MTREX: variants seen among roughly 807,000 people sequenced by gnomAD.
MTREX encodes exosome RNA helicase MTR4.
MTREX carries 76 observed loss-of-function variants against 135.4 expected under a neutral mutation model. That is an observed-to-expected ratio of 0.56 (90% CI 0.47 to 0.68). MTREX has a LOEUF of 0.68. Among genes scored for constraint, MTREX ranks in the 30% least tolerant of loss-of-function variants. The pLI, the probability that MTREX is intolerant of heterozygous loss-of-function variation, is 0.00. For missense variants in MTREX, 920 were observed against 1,262.1 expected (o/e 0.73, Z 4.11); for synonymous variants, 404 against 401.6 (o/e 1.01, Z -0.07).
Position 55,324,203 on chromosome 5 carries a change from GCA to G in MTREX, c.339+8_339+9del. On this transcript the variant is annotated splice_donor_region_variant and intron_variant, in intron 3 of 26. Transcript: ENST00000230640. ...GTTGAAGGGTGTACACATGAGGTAAGCACAAACAGCATACAGAAGGTTAGTGT... is the reference window on the plus strand; with the variant it reads ...GTTGAAGGGTGTACACATGAGGTAAGCAAACAGCATACAGAAGGTTAGTGT... 1 of 1,599,186 alleles carries G rather than the reference GCA, an allele frequency of 6.3e-7. No homozygotes were observed. The highest frequency in any genetic ancestry group is 8.6e-7 in the Non-Finnish European group (1 of 1,169,454).
intron 15 of MTREX, among the ~76,000 whole-genome samples, chr5:55,363,659 G>A (rs10513054): frequency 0.14 from 21,215 of 152,064 alleles, 1,861 homozygotes; most frequent in East Asian, 0.26. Context: ...TAATATGAGG[G>A]ATGTATTGGA....
intron 20 of MTREX, 95 bp from the exon 21 acceptor site, chr5:55,400,138 G>A: frequency 2.3e-6 from 2 of 858,092 alleles, no homozygotes; most frequent in Non-Finnish European, 3.5e-6. Flanking sequence ...TACTTTTTAT[G>A]TCCATGTGCA....
intron 18 of MTREX, among the ~76,000 whole-genome samples, chr5:55,385,152 G>A (rs148985628): frequency 2.6e-5 from 4 of 152,262 alleles, no homozygotes; most frequent in African/African-American, 9.6e-5. Context: ...CTAAAGCTGG[G>A]GGTGGGGAGA....
intron 23 of MTREX, among the ~76,000 whole-genome samples, chr5:55,413,829 T>G (rs1169762656): frequency 6.6e-6 from 1 of 152,216 alleles, no homozygotes; most frequent in African/African-American, 2.4e-5. Context: ...AAAGTTAAAC[T>G]ATGATAAAAC....
At chr5:55,392,066 C>T (rs778293131) in intron 19 of MTREX, among the ~76,000 whole-genome samples, 2 of 152,158 alleles carry the variant, frequency 1.3e-5, no homozygotes, top group Non-Finnish European at 2.9e-5. Context: ...CTCTGTAAAT[C>T]GGAATTTTCC....
intron 25 of MTREX, among the ~76,000 whole-genome samples, chr5:55,421,335 A>T (rs1751051186): frequency 6.6e-6 from 1 of 152,210 alleles, no homozygotes; most frequent in African/African-American, 2.4e-5. Flanking sequence ...CTGGACAGTT[A>T]GTGTTTGTGC....
chr5:55,318,248 A>G (rs1749230720), intron 1 of MTREX, among the ~76,000 whole-genome samples: 1 of 152,160 alleles, frequency 6.6e-6, no homozygotes, highest in Non-Finnish European at 1.5e-5. Context: ...ATACCATTAG[A>G]CCCAGCAATC....
intron 18 of MTREX, among the ~76,000 whole-genome samples, chr5:55,385,126 T>G (rs1180292029): frequency 6.6e-6 from 1 of 152,176 alleles, no homozygotes; most frequent in Non-Finnish European, 1.5e-5. Context: ...CCAGGCAAAG[T>G]CTCTGAGTCA....
intron 20 of MTREX, among the ~76,000 whole-genome samples, chr5:55,399,359 G>C (rs1750688867): frequency 6.6e-6 from 1 of 152,144 alleles, no homozygotes; most frequent in African/African-American, 2.4e-5. Context: ...GCTTATCCAA[G>C]ACCCTGAAAG....
At chr5:55,349,709 A>C (rs1404148882) in intron 12 of MTREX, 57 bp downstream of exon 12, 1 of 916,526 alleles carries the variant, frequency 1.1e-6, no homozygotes, top group African/African-American at 1.7e-5. Context: ...GCATATATTC[A>C]CTTTACATTG....
At chr5:55,308,246 A>T in intron 1 of MTREX, 99 bp downstream of exon 1, 1 of 1,391,788 alleles carries the variant, frequency 7.2e-7, no homozygotes, top group Non-Finnish European at 9.6e-7. Context: ...TGAAGTGTAC[A>T]TTGAGTGGCG....
At chr5:55,336,783 T>C (rs1205865750) in intron 5 of MTREX, among the ~76,000 whole-genome samples, 1 of 152,182 alleles carries the variant, frequency 6.6e-6, no homozygotes, top group African/African-American at 2.4e-5. Context: ...GCAAATACGA[T>C]AGTGTATTTT....
intron 18 of MTREX, among the ~76,000 whole-genome samples, chr5:55,384,991 C>T (rs1328283820): frequency 6.6e-6 from 1 of 152,218 alleles, no homozygotes; most frequent in Non-Finnish European, 1.5e-5. Context: ...AGTTGCATTT[C>T]ACCACAACCT....
Position 55,416,117 on chromosome 5 carries a change from A to G in MTREX, c.2956A>G (p.Thr986Ala). 1 of 1,586,502 alleles carries G rather than the reference A, an allele frequency of 6.3e-7. No homozygotes were observed. Among genetic ancestry groups the G allele is most frequent in the Non-Finnish European group, 8.5e-7 (1 of 1,170,842 alleles). Residue 986 changes from threonine (T) to alanine (A), a missense_variant, in exon 25 of 27, where the codon ACA becomes GCA. Thr to Ala is a moderately conservative substitution (Grantham distance 58, BLOSUM62 0). Transcript: ENST00000230640. Reference protein sequence around the residue: ...GATFAHICKMTDVFEGSIIRC... With the variant: ...GATFAHICKMADVFEGSIIRC... ...TACATTTGCCCATATCTGCAAAATG[A>G]CAGATGTCTTTGAAGGTATGGTTAA...
At chr5:55,327,553 T>C in intron 3 of MTREX, 163 bp from the exon 4 acceptor site, 1 of 566,222 alleles carries the variant, frequency 1.8e-6, no homozygotes, top group South Asian at 2.4e-5. Flanking sequence ...TTTTGCCTTG[T>C]TCTTAAAGAC....
At chr5:55,347,421 C>A (rs1037126337) in intron 11 of MTREX, among the ~76,000 whole-genome samples, 7 of 152,030 alleles carry the variant, frequency 4.6e-5, no homozygotes, top group Non-Finnish European at 7.4e-5. Context: ...ACTTTGTTAC[C>A]GTAAACTCCT....
Position 55,324,160 on chromosome 5 carries a change from G to T in MTREX, c.301G>T (p.Val101Leu), listed in dbSNP as rs1391641992. 1 of 1,611,304 alleles carries T rather than the reference G, an allele frequency of 6.2e-7. No homozygotes were observed. The highest frequency in any genetic ancestry group is 1.1e-5 in the South Asian group (1 of 90,854). Residue 101 changes from valine (V) to leucine (L), a missense_variant, in exon 3 of 27, where the codon GTA becomes TTA. Transcript: ENST00000230640. The stretch of plus-strand genomic sequence containing the variant: ...GGCAGACCTGATGCCCAGAGTCAAG[G>T]TACAATCAGTTGAAACTGTTGAAGG... ...SLADLMPRVKVQSVETVEGCT... is the reference protein window; with the variant it reads ...SLADLMPRVKLQSVETVEGCT...
At position 55,378,311 on chromosome 5, in the gene MTREX, C is replaced by G; in HGVS notation, c.1811-3C>G. On this transcript the variant is annotated splice_region_variant and splice_polypyrimidine_tract_variant and intron_variant, in intron 16 of 26. Coordinates refer to ENST00000230640, the MANE Select transcript of MTREX (RefSeq NM_015360.5). The stretch of plus-strand genomic sequence containing the variant: ...TAATTTTGTACATGTGTTCTATTTA[C>G]AGAGGTAAAGAATTCAGAAGAACAG... 1 of 1,583,852 alleles carries G rather than the reference C, an allele frequency of 6.3e-7. No individual in the cohort carries two copies. Among genetic ancestry groups the G allele is most frequent in the Non-Finnish European group, 8.5e-7 (1 of 1,170,488 alleles).
At position 55,425,475 on chromosome 5, in the gene MTREX, GACTA is replaced by G. The variant is rs941371281; in HGVS notation, c.*707_*710del. The G allele has an allele frequency of 2.4e-5, 17 of 721,866 alleles. No individual in the cohort carries two copies. The highest frequency in any genetic ancestry group is 7.4e-5 in the African/African-American group (4 of 53,970). 44.7% of individuals were successfully genotyped at this position (721,866 alleles called of 1,614,324 possible). A position where few individuals can be genotyped will look rare whatever the true frequency, so the allele number is the denominator to read the frequency against. ...CAGATTAAGCATATAAAAAATTAGA[GACTA>G]ACTGGGATTTTTTAAAGATTATTCC... is the stretch of plus-strand genomic sequence containing the variant. On this transcript the variant is annotated 3_prime_UTR_variant, in exon 27 of 27. Transcript: ENST00000230640.
Sources: allele counts gnomAD v4.1 joint callset (sites outside exome capture counted in the v4.1 genomes callset), GRCh38; gene constraint gnomAD v4.1.1; transcripts MANE v1.5; gene names NCBI Gene and HGNC (gene_info 2026-07-23, HGNC 2026-07-21).